Variants in TCN1 observed in about 807,000 individuals in gnomAD.
TCN1 encodes transcobalamin-1.
TCN1 carries 47 observed loss-of-function variants against 46.3 expected under a neutral mutation model. That is an observed-to-expected ratio of 1.01 (90% CI 0.80 to 1.29). The LOEUF is 1.29. Among genes scored for constraint, TCN1 ranks in the 50% most tolerant of loss-of-function variants. The probability of loss-of-function intolerance (pLI) is 0.00; values close to 1 mark genes in which losing one functional copy is unlikely to be tolerated. For synonymous variants in TCN1, 183 were observed against 192.5 expected (o/e 0.95, Z 0.41); for missense variants, 532 against 511.0 (o/e 1.04, Z -0.40).
intron 5 of TCN1, among the ~76,000 whole-genome samples, chr11:59,856,853 C>A (rs1249420160): frequency 6.6e-6 from 1 of 152,078 alleles, no homozygotes; most frequent in African/African-American, 2.4e-5. Flanking sequence ...TCTAATTGTT[C>A]ATTAAACAGA....
At chr11:59,865,247 A>G (rs1853061365) in intron 1 of TCN1, among the ~76,000 whole-genome samples, 1 of 152,172 alleles carries the variant, frequency 6.6e-6, no homozygotes, top group African/African-American at 2.4e-5. Context: ...ATTGTGAGTC[A>G]GTTCTCTGAG....
intron 7 of TCN1, among the ~76,000 whole-genome samples, chr11:59,854,214 A>G (rs1179701490): frequency 1.3e-5 from 2 of 151,016 alleles, no homozygotes; most frequent in Non-Finnish European, 2.9e-5. Flanking sequence ...CAACATAGTA[A>G]GATGCTGTCT....
chr11:59,865,311 T>G (rs1352746636), intron 1 of TCN1, among the ~76,000 whole-genome samples: 1 of 152,148 alleles, frequency 6.6e-6, no homozygotes, highest in Non-Finnish European at 1.5e-5. Context: ...ACAGACTTTT[T>G]AGTTCCTGAT....
At chr11:59,856,085 G>GGT in intron 5 of TCN1, 27 bp from the exon 6 acceptor site, 3 of 585,326 alleles carry the variant, frequency 5.1e-6, no homozygotes, top group South Asian at 1.4e-5. Context: ...GGGTGGGGGG[G>GGT]TGATGAGAGA....
intron 2 of TCN1, 119 bp downstream of exon 2, chr11:59,863,788 T>C: frequency 8.8e-7 from 1 of 1,135,874 alleles, no homozygotes; most frequent in Non-Finnish European, 1.3e-6. Flanking sequence ...TCAAGTTTGG[T>C]ACCATTAGAA....
At chr11:59,866,108 C>G (rs184759860) in intron 1 of TCN1, among the ~76,000 whole-genome samples, 330 of 152,238 alleles carry the variant, frequency 2.2e-3, no homozygotes, top group Non-Finnish European at 4.0e-3. Context: ...ATTGAAAAGT[C>G]ACATGAATAG....
In TCN1 at chr11:59,859,153, A is replaced by T. The variant is rs779993666; in HGVS notation, c.671T>A (p.Leu224Gln). Residue 224 changes from leucine (L) to glutamine (Q), a missense_variant, in exon 5 of 9, where the codon CTG (leucine) becomes CAG (glutamine). By Grantham distance (113) the Leu-to-Gln change is moderately radical (BLOSUM62 -2). Coordinates refer to ENST00000257264, the MANE Select transcript of TCN1 (RefSeq NM_001062.4). ...TTTCTCAGACAGAATCTTTTCTACC[A>T]GTGACTTTGTATAAATACTGATGTT... ...LKNISIYTKS[L>Q]VEKILSEKKE... 6.2e-7 allele frequency: 1 copy of T among 1,614,034 alleles called. No individual in the cohort carries two copies. The highest frequency in any genetic ancestry group is 1.7e-5 in the Admixed American group (1 of 60,018).
At chr11:59,853,447 G>A (rs1049671103) in intron 7 of TCN1, 126 bp from the exon 8 acceptor site, 10 of 901,088 alleles carry the variant, frequency 1.1e-5, no homozygotes, top group South Asian at 4.0e-5. Context: ...AGATTTCCTG[G>A]CCCTATCCAT....
chr11:59,861,613 A>G lies in TCN1; in HGVS notation c.470T>C (p.Phe157Ser), dbSNP rs764183961. ...LSLDVLALCL[F>S]NGNYSTAEVV... ...TTCGGCGGTTGAGTAGTTCCCATTGAACAGACACAAGGCCAAAACGTCCAG... is the reference window on the plus strand; with the variant it reads ...TTCGGCGGTTGAGTAGTTCCCATTGGACAGACACAAGGCCAAAACGTCCAG... Residue 157 changes from phenylalanine (F) to serine (S), a missense_variant, in exon 4 of 9, where the codon TTC becomes TCC. Coordinates refer to ENST00000257264, the MANE Select transcript of TCN1 (RefSeq NM_001062.4). 6.2e-7 allele frequency: 1 copy of G among 1,614,178 alleles called. No individual in the cohort carries two copies. Among genetic ancestry groups the G allele is most frequent in the South Asian group, 1.1e-5 (1 of 91,084 alleles).
chr11:59,860,385 T>C (rs1054172209), intron 4 of TCN1, among the ~76,000 whole-genome samples: 2 of 151,732 alleles, frequency 1.3e-5, no homozygotes, highest in Non-Finnish European at 2.9e-5. Context: ...CGCCTCGGCC[T>C]CCCAAAGTGC....
chr11:59,865,205 A>C (rs1853061066), intron 1 of TCN1, among the ~76,000 whole-genome samples: 1 of 152,172 alleles, frequency 6.6e-6, no homozygotes, highest in African/African-American at 2.4e-5. Context: ...GATTGTAGAA[A>C]GGTCATGGTT....
chr11:59,856,775 G>C (rs1852948172), intron 5 of TCN1, among the ~76,000 whole-genome samples: 2 of 152,172 alleles, frequency 1.3e-5, no homozygotes, highest in Admixed American at 1.3e-4. Flanking sequence ...TTTATGATGA[G>C]ATGTCTGACC....
intron 7 of TCN1, 32 bp downstream of exon 7, chr11:59,854,620 A>G: frequency 6.2e-7 from 1 of 1,606,698 alleles, no homozygotes; most frequent in Non-Finnish European, 8.5e-7. Flanking sequence ...ATGACAGCAA[A>G]CATCTTAACC....
At chr11:59,863,816 C>T (rs1357924924) in intron 2 of TCN1, 91 bp downstream of exon 2, 24 of 1,441,632 alleles carry the variant, frequency 1.7e-5, no homozygotes, top group Non-Finnish European at 2.2e-5. Flanking sequence ...AGCAGGGATA[C>T]TTTGGATGCA....
rs76519029 is a variant in TCN1, at chr11:59,859,331, G to A, written c.557-64C>T. ...ACCTCAGTTTGTCCTGGGCCGAGAG[G>A]TTTCCTGGGATGTGAGACTTTCAGT... On this transcript the variant is annotated intron_variant, in intron 4 of 8. Coordinates refer to ENST00000257264, the MANE Select transcript of TCN1 (RefSeq NM_001062.4). The A allele has an allele frequency of 1.6e-3, 2,560 of 1,575,064 alleles. 28 individuals carry two copies. The African/African-American group carries it at 0.03, about 18-fold the overall frequency.
chr11:59,855,005 G>A (rs2135104975), intron 6 of TCN1, among the ~76,000 whole-genome samples, 170 bp from the exon 7 acceptor site: 1 of 152,270 alleles, frequency 6.6e-6, no homozygotes, highest in East Asian at 1.9e-4. Context: ...TATAACTAAA[G>A]CAGAAACTAA....
chr11:59,859,186 C>G lies in TCN1; in HGVS notation c.638G>C (p.Ser213Thr), dbSNP rs373658442. ...TGTATAAATACTGATGTTCTTTAAACTGCCTTCATCTGCTTTGATCTGCCC... is the reference window on the plus strand; with the variant it reads ...TGTATAAATACTGATGTTCTTTAAAGTGCCTTCATCTGCTTTGATCTGCCC... ...INGQIKADEG[S>T]LKNISIYTKS... is the part of the protein sequence containing the mutation. The change falls in exon 5 of 9, where the codon AGT becomes ACT. Residue 213 changes from serine (S) to threonine (T), a missense_variant. Coordinates refer to ENST00000257264, the MANE Select transcript of TCN1 (RefSeq NM_001062.4). 20 of 1,614,000 alleles carry G rather than the reference C, an allele frequency of 1.2e-5. No homozygotes were observed. The highest frequency in any genetic ancestry group is 1.6e-5 in the Non-Finnish European group (19 of 1,180,036).
At chr11:59,853,536 G>C (rs182314891) in intron 7 of TCN1, among the ~76,000 whole-genome samples, 1 of 152,106 alleles carries the variant, frequency 6.6e-6, no homozygotes, top group African/African-American at 2.4e-5. Context: ...TTCTAATGCA[G>C]GCACTCCACA....
intron 5 of TCN1, among the ~76,000 whole-genome samples, chr11:59,858,239 T>C (rs975123822): frequency 3.9e-5 from 6 of 152,164 alleles, no homozygotes; most frequent in Non-Finnish European, 8.8e-5. Context: ...TTAACAAGCA[T>C]AGACAAAGGG....
Sources: gnomAD v4.1 joint callset for allele counts (sites outside exome capture counted in the v4.1 genomes callset) on GRCh38, gnomAD v4.1.1 for gene constraint, MANE v1.5 for transcripts, NCBI Gene and HGNC (gene_info 2026-07-23, HGNC 2026-07-21) for gene names.